Variants in THBS2 observed in about 807,000 individuals in gnomAD.
THBS2 encodes thrombospondin 2.
THBS2 carries 47 observed loss-of-function variants against 135.2 expected under a neutral mutation model. The ratio of observed to expected loss-of-function variants is 0.35; its 90% CI spans 0.28 to 0.44. The LOEUF is 0.44. THBS2 is among the 20% of genes least tolerant of loss of function. THBS2 has a pLI of 1.00. For missense variants in THBS2, 1,288 were observed against 1,603.1 expected, an observed-to-expected ratio of 0.80 and a Z score of 3.36; for synonymous variants, 639 against 633.8, an observed-to-expected ratio of 1.01 and a Z score of -0.12.
At chr6:169,231,062 T>A (rs1010726582) in intron 13 of THBS2, among the ~76,000 whole-genome samples, 1 of 152,156 alleles carries the variant, frequency 6.6e-6, no homozygotes, top group Non-Finnish European at 1.5e-5. Flanking sequence ...TGAGTGGCAG[T>A]CCCCACGATG....
chr6:169,222,154 A>G, intron 19 of THBS2, 43 bp downstream of exon 19: 1 of 1,546,684 alleles, frequency 6.5e-7, no homozygotes. Context: ...CTGCAGCCAC[A>G]GTGGTGCAGA....
At chr6:169,219,210 G>A (rs1029676129) in intron 21 of THBS2, among the ~76,000 whole-genome samples, 2 of 135,116 alleles carry the variant, frequency 1.5e-5, no homozygotes, top group African/African-American at 5.6e-5. Flanking sequence ...ATGGATGGAT[G>A]AAATGGATGA....
Position 169,240,535 on chromosome 6 carries a change from T to C in THBS2, c.949A>G (p.Met317Val), listed in dbSNP as rs373231929. The C allele has an allele frequency of 4.3e-6, 7 of 1,613,956 alleles. No homozygotes were observed. The African/African-American group carries it at 6.7e-5, about 15-fold the overall frequency. ...CGGCCATCCTGCCAGCAAGCTGACATGTTCCTTGTCTTAGGAGGGCCACCA... is the reference window on the plus strand; with the variant it reads ...CGGCCATCCTGCCAGCAAGCTGACACGTTCCTTGTCTTAGGAGGGCCACCA... ...LIGGPPKTRN[M>V]SACWQDGRFF... Residue 317 changes from methionine (M) to valine (V), a missense_variant, in exon 6 of 22, where the codon ATG becomes GTG. Around this residue, in one of 2 missense-constraint regions of THBS2, gnomAD observed 414 missense variants for 447.0 expected, o/e 0.93. Coordinates refer to ENST00000617924, the MANE Select transcript of THBS2 (RefSeq NM_003247.5).
Position 169,240,440 on chromosome 6 carries a change from C to T in THBS2, c.1032+12G>A, listed in dbSNP as rs1319728276. The T allele has an allele frequency of 4.3e-6, 7 of 1,612,496 alleles. No homozygotes were observed. The highest frequency in any genetic ancestry group is 4.0e-5 in the African/African-American group (3 of 74,860). ...GGCCTCTTCCCCCAAGAGCCGTGTTCTGGGGCCTCACCTTGCAGGTACACG... is the reference window on the plus strand; with the variant it reads ...GGCCTCTTCCCCCAAGAGCCGTGTTTTGGGGCCTCACCTTGCAGGTACACG... On this transcript the variant is annotated intron_variant, in intron 6 of 21. Transcript: ENST00000617924.
At position 169,234,918 on chromosome 6, in the gene THBS2, A is replaced by G. The variant is rs1480596281; in HGVS notation, c.1478-11T>C. 1.3e-6 allele frequency: 2 copies of G among 1,581,008 alleles called. No individual in the cohort carries two copies. Among genetic ancestry groups the G allele is most frequent in the Non-Finnish European group, 1.7e-6 (2 of 1,162,124 alleles). On this transcript the variant is annotated splice_polypyrimidine_tract_variant and intron_variant, in intron 9 of 21. Transcript: ENST00000617924. Reference sequence around the variant, plus strand: ...TCCAGCGGCCATCGACTGCGGGGAAAGCCAACCAGGGGGAGCTCAGAGCAA... The same window carrying G: ...TCCAGCGGCCATCGACTGCGGGGAAGGCCAACCAGGGGGAGCTCAGAGCAA...
At chr6:169,231,386 C>G (rs1779827797) in intron 13 of THBS2, among the ~76,000 whole-genome samples, 1 of 152,164 alleles carries the variant, frequency 6.6e-6, no homozygotes, top group Non-Finnish European at 1.5e-5. Context: ...GGAGCACGGC[C>G]CCGCTAGCAC....
intron 21 of THBS2, 113 bp from the exon 22 acceptor site, chr6:169,217,942 T>G (rs561690074): frequency 1.9e-6 from 2 of 1,034,890 alleles, no homozygotes; most frequent in Non-Finnish European, 1.4e-6. Flanking sequence ...AAAGATGAGA[T>G]CTATCATATG....
rs1780791432 is a variant in THBS2, at chr6:169,252,559, C to T, written c.-23+1165G>A. Among the ~76,000 whole-genome samples the T allele has an allele frequency of 6.6e-6, 1 of 152,242 alleles. No individual in the cohort carries two copies. The highest frequency in any genetic ancestry group is 2.1e-4 in the South Asian group (1 of 4,836). On this transcript the variant is annotated intron_variant, in intron 1 of 21. Transcript: ENST00000617924. This position sits in a 1 kb window ranked among gnomAD's most constrained non-coding sequence, Gnocchi z 4.3. The stretch of plus-strand genomic sequence containing the variant: ...ACGAAACCAGATCCTACTGTCTCTG[C>T]CTTGAGGTAGATTCTTACAAGAGCA...
At chr6:169,218,793 G>GATGAGA (rs1554244038) in intron 21 of THBS2, among the ~76,000 whole-genome samples, 10 of 130,814 alleles carry the variant, frequency 7.6e-5, no homozygotes, top group African/African-American at 2.2e-4. Flanking sequence ...GAGTGGGTTG[G>GATGAGA]TGGATGAGAT....
At chr6:169,223,712 G>T (rs1452774679) in intron 17 of THBS2, among the ~76,000 whole-genome samples, 1 of 152,100 alleles carries the variant, frequency 6.6e-6, no homozygotes, top group Non-Finnish European at 1.5e-5. Flanking sequence ...CACAGCAAAG[G>T]CCAGCACAGC....
chr6:169,246,004 T>C (rs927720650), intron 4 of THBS2, 193 bp downstream of exon 4: 10 of 443,530 alleles, frequency 2.3e-5, no homozygotes, highest in Non-Finnish European at 3.6e-5. Context: ...AATCAATTTA[T>C]TATTTTCAGA....
intron 13 of THBS2, among the ~76,000 whole-genome samples, chr6:169,231,310 G>A (rs1311976442): frequency 6.6e-6 from 1 of 152,174 alleles, no homozygotes; most frequent in African/African-American, 2.4e-5. Context: ...CAGAGGTCAG[G>A]GCCATGCAGC....
At chr6:169,249,314 C>G (rs776059026) in intron 2 of THBS2, among the ~76,000 whole-genome samples, 4 of 152,204 alleles carry the variant, frequency 2.6e-5, no homozygotes, top group African/African-American at 7.2e-5. Flanking sequence ...ATAGCCCGAC[C>G]TTCTTGGTGA....
At chr6:169,228,327 G>A (rs952933273) in intron 14 of THBS2, 46 bp from the exon 15 acceptor site, 7 of 1,606,604 alleles carry the variant, frequency 4.4e-6, no homozygotes, top group African/African-American at 4.0e-5. Context: ...TCATAGGAAT[G>A]TGTGTCGGGC....
rs1779457785 is a variant in THBS2, at chr6:169,222,362, G to A, written c.3108C>T (p.Arg1036=). ...CCTGCTTCCACATCACCACATAGAA[G>A]CGGCTGCTTGACTGGTAACCAAAGA... ...GFVFGYQSSS[R]FYVVMWKQVT... The change falls in exon 19 of 22, where the codon CGC becomes CGT. Residue 1036 remains arginine (R), a synonymous_variant. Transcript: ENST00000617924. The A allele has an allele frequency of 1.9e-6, 3 of 1,613,720 alleles. No individual in the cohort carries two copies. The highest frequency in any genetic ancestry group is 2.5e-6 in the Non-Finnish European group (3 of 1,180,038).
At position 169,221,461 on chromosome 6, in the gene THBS2, G is replaced by C. The variant is rs1398623994; in HGVS notation, c.3340C>G (p.Leu1114Val). The change falls in exon 20 of 22, where the codon CTG (leucine) becomes GTG (valine). Residue 1114 changes from leucine to valine, a missense_variant. Leu to Val is a conservative substitution (Grantham distance 32). Transcript: ENST00000617924. Reference sequence around the variant, plus strand: ...TAGCCAGTCTTGGGCCTGTGAGTCAGGTGCCACCTATAGGCCGTGTAGTCC... The same window carrying C: ...TAGCCAGTCTTGGGCCTGTGAGTCACGTGCCACCTATAGGCCGTGTAGTCC... ...WKDYTAYRWHLTHRPKTGYIR... is the reference protein window; with the variant it reads ...WKDYTAYRWHVTHRPKTGYIR... The C allele has an allele frequency of 6.2e-6, 10 of 1,613,924 alleles. No individual in the cohort carries two copies. The highest frequency in any genetic ancestry group is 8.5e-6 in the Non-Finnish European group (10 of 1,180,028).
In THBS2 at chr6:169,241,360, C is replaced by T. The variant is rs1170926400; in HGVS notation, c.891+402G>A. Among the ~76,000 whole-genome samples, 3 of 152,088 alleles carry T rather than the reference C, an allele frequency of 2.0e-5. No individual in the cohort carries two copies. The highest frequency in any genetic ancestry group is 7.2e-5 in the African/African-American group (3 of 41,404). ...TTCCCGTCCTGCCTCTTCAGCTATG[C>T]CAACATGCAGTCCTTGAAATAAAAT... On this transcript the variant is annotated intron_variant, in intron 5 of 21. Transcript: ENST00000617924. The surrounding 1 kb of genome is among the most constrained non-coding windows in gnomAD (Gnocchi z 5.5).
At position 169,228,271 on chromosome 6, in the gene THBS2, T is replaced by C. The variant is rs757871737; in HGVS notation, c.2270A>G (p.Gln757Arg). 1 of 1,614,106 alleles carries C rather than the reference T, an allele frequency of 6.2e-7. No individual in the cohort carries two copies. Among genetic ancestry groups the C allele is most frequent in the South Asian group, 1.1e-5 (1 of 91,064 alleles). ...AGCCTGGCGGGGATTGAAGAGGAGC[T>C]GGCAGTTGTCCTGGAAAACCAAGAA... ...DGVTDEKDNCQLLFNPRQADY... is the reference protein window; with the variant it reads ...DGVTDEKDNCRLLFNPRQADY... Residue 757 changes from glutamine (Q) to arginine (R), a missense_variant, in exon 15 of 22, where the codon CAG becomes CGG. Coordinates refer to ENST00000617924, the MANE Select transcript of THBS2 (RefSeq NM_003247.5).
Position 169,240,524 on chromosome 6 carries a change from G to C in THBS2, c.960C>G (p.Cys320Trp). 1.2e-6 allele frequency: 2 copies of C among 1,614,014 alleles called. No individual in the cohort carries two copies. The highest frequency in any genetic ancestry group is 1.7e-6 in the Non-Finnish European group (2 of 1,180,024). The stretch of plus-strand genomic sequence containing the variant: ...CCGCAAAGAACCGGCCATCCTGCCA[G>C]CAAGCTGACATGTTCCTTGTCTTAG... The part of the protein sequence containing the change: ...GPPKTRNMSA[C>W]WQDGRFFAEN... Residue 320 changes from cysteine (C) to tryptophan (W), a missense_variant, in exon 6 of 22, where the codon TGC (cysteine) becomes TGG (tryptophan). Transcript: ENST00000617924.
Sources: allele counts gnomAD v4.1 joint callset (sites outside exome capture counted in the v4.1 genomes callset), GRCh38; gene constraint gnomAD v4.1.1; regional missense constraint gnomAD v4.1.1; non-coding constraint Gnocchi (gnomAD v3.1); transcripts MANE v1.5; gene names NCBI Gene and HGNC (gene_info 2026-07-23, HGNC 2026-07-21).